The following SLC6A5 variants were observed in gnomAD, a reference collection of about 807,000 sequenced individuals.
SLC6A5 encodes sodium- and chloride-dependent glycine transporter 2.
Under a neutral mutation model 90.5 loss-of-function variants are expected in SLC6A5, and 58 were observed. That is an observed-to-expected ratio of 0.64 (90% CI 0.52 to 0.80). SLC6A5 has a LOEUF of 0.80. Ranked by LOEUF, SLC6A5 falls within the 30% of genes least tolerant of loss-of-function variation. The probability of loss-of-function intolerance (pLI) is 0.00; values close to 1 mark genes in which losing one functional copy is unlikely to be tolerated. For synonymous variants in SLC6A5, 427 were observed against 401.4 expected (o/e 1.06, Z -0.76); for missense variants, 1,015 against 1,017.6 (o/e 1.00, Z 0.03).
intron 14 of SLC6A5, among the ~76,000 whole-genome samples, chr11:20,651,183 C>T (rs1006495767): frequency 1.3e-5 from 2 of 151,096 alleles, no homozygotes; most frequent in East Asian, 2.0e-4. Flanking sequence ...AATACATAAA[C>T]GGAATGGGTT....
chr11:20,637,358 A>G (rs1853229921), intron 12 of SLC6A5, 55 bp downstream of exon 12: 2 of 1,510,742 alleles, frequency 1.3e-6, no homozygotes, highest in South Asian at 1.1e-5. Flanking sequence ...TGGGGGGCCA[A>G]TAGCTATCTG....
At chr11:20,634,981 C>T (rs1172112088) in intron 10 of SLC6A5, among the ~76,000 whole-genome samples, 2 of 152,116 alleles carry the variant, frequency 1.3e-5, no homozygotes, top group African/African-American at 4.8e-5. Context: ...TTACAGTAAT[C>T]TTCCCAGTGA....
intron 3 of SLC6A5, 120 bp downstream of exon 3, chr11:20,604,544 C>A: frequency 7.9e-7 from 1 of 1,259,956 alleles, no homozygotes; most frequent in Non-Finnish European, 1.1e-6. Context: ...CCTCCTTAGG[C>A]TCCAGCCCTA....
At chr11:20,600,109 A>G (rs1291796791) in intron 1 of SLC6A5, among the ~76,000 whole-genome samples, 2 of 152,176 alleles carry the variant, frequency 1.3e-5, no homozygotes, top group African/African-American at 2.4e-5. Context: ...TAATAGGATT[A>G]TTCTTACAGT....
At chr11:20,603,320 C>T (rs1852513985) in intron 2 of SLC6A5, among the ~76,000 whole-genome samples, 1 of 152,194 alleles carries the variant, frequency 6.6e-6, no homozygotes. Context: ...GTGGTCTCCC[C>T]CCATTTTTCC....
rs7925597 is a variant in SLC6A5 at position 20,617,854 on chromosome 11, A to G, written c.1230A>G (p.Ser410=). 1 allele frequency: 1,612,915 copies of G among 1,613,986 alleles called. 805,935 individuals carry two copies. Among genetic ancestry groups the G allele is most frequent in the Non-Finnish European group, 1 (1,179,843 of 1,179,878 alleles). Residue 410 remains serine, a synonymous_variant, in exon 7 of 16, where the codon TCA becomes TCG. Coordinates refer to ENST00000525748, the MANE Select transcript of SLC6A5 (RefSeq NM_004211.5). The part of the protein sequence containing the change: ...LFLAWVIVYA[S]LAKGIKTSGK... Reference sequence around the variant, plus strand: ...TGGCTTGGGTCATTGTGTATGCATCATTGGCTAAAGGAATCAAGACTTCAG... The same window carrying G: ...TGGCTTGGGTCATTGTGTATGCATCGTTGGCTAAAGGAATCAAGACTTCAG...
intron 14 of SLC6A5, among the ~76,000 whole-genome samples, chr11:20,648,817 G>T (rs184985914): frequency 6.6e-6 from 1 of 152,098 alleles, no homozygotes; most frequent in Non-Finnish European, 1.5e-5. Context: ...AATAATCAGC[G>T]CTGCTATTTG....
chr11:20,608,293 T>C (rs1401101145), intron 5 of SLC6A5, among the ~76,000 whole-genome samples: 4 of 152,116 alleles, frequency 2.6e-5, no homozygotes, highest in African/African-American at 9.7e-5. Context: ...ATGCTTCAGA[T>C]GTGAAATAGA....
intron 15 of SLC6A5, 48 bp downstream of exon 15, chr11:20,652,504 C>G (rs1368033712): frequency 6.5e-7 from 1 of 1,542,654 alleles, no homozygotes; most frequent in Non-Finnish European, 9.0e-7. Context: ...AAGGGAAAGC[C>G]CATAAAAGCT....
chr11:20,648,190 T>C (rs1368745571), intron 14 of SLC6A5, among the ~76,000 whole-genome samples: 1 of 152,162 alleles, frequency 6.6e-6, no homozygotes, highest in East Asian at 1.9e-4. Flanking sequence ...GAAACCAGAT[T>C]AAGGCCTTTG....
chr11:20,621,916 G>T (rs1392717444), intron 7 of SLC6A5, among the ~76,000 whole-genome samples: 1 of 152,204 alleles, frequency 6.6e-6, no homozygotes, highest in Non-Finnish European at 1.5e-5. Context: ...AAGGTCAAAT[G>T]CAGCCCACCT....
intron 9 of SLC6A5, among the ~76,000 whole-genome samples, chr11:20,628,299 G>T (rs1407415712): frequency 2.6e-5 from 4 of 152,200 alleles, no homozygotes; most frequent in Non-Finnish European, 4.4e-5. Context: ...ACATGGGGGA[G>T]GCTCAGTGGC....
Position 20,601,384 on chromosome 11 carries a change from G to T in SLC6A5, c.259G>T (p.Ala87Ser). 1.2e-6 allele frequency: 2 copies of T among 1,603,864 alleles called. No individual in the cohort carries two copies. The highest frequency in any genetic ancestry group is 1.7e-6 in the Non-Finnish European group (2 of 1,176,310). Residue 87 changes from alanine to serine, a missense_variant, in exon 2 of 16, where the codon GCG becomes TCG. Coordinates refer to ENST00000525748, the MANE Select transcript of SLC6A5 (RefSeq NM_004211.5). ...GTCTTGCAAACTCAGTAGCCCGCGG[G>T]CGCAGGCGGCCTCTGCAGCTCTGCG... ...VGSCKLSSPR[A>S]QAASAALRDL...
chr11:20,655,326 GTT>G lies in SLC6A5; in HGVS notation c.*470_*471del, dbSNP rs61671694. 230 of 183,478 alleles carry G rather than the reference GTT, an allele frequency of 1.3e-3. No individual in the cohort carries two copies. Among genetic ancestry groups the G allele is most frequent in the African/African-American group, 4.3e-3 (177 of 41,200 alleles). 11.4% of individuals were successfully genotyped at this position (183,478 alleles called of 1,614,324 possible). ...TTCAGACACACAAAGTTCAAGACAG[GTT>G]TTTTTTTTTTTCAGAGAGTTAGCAG... On this transcript the variant is annotated 3_prime_UTR_variant, in exon 16 of 16. Transcript: ENST00000525748.
At position 20,604,321 on chromosome 11, in the gene SLC6A5, GA is replaced by G; in HGVS notation, c.578del (p.Asn193ThrfsTer42). ...EQGDENKARG[N>X]WSSKLDFILS... ...AAGGGGATGAGAATAAGGCCCGAGG[GA>G]ACTGGTCCAGCAAACTGGACTTCAT... On this transcript the variant is annotated frameshift_variant, in exon 3 of 16. Transcript: ENST00000525748. LOFTEE classifies it high-confidence loss of function. The G allele has an allele frequency of 6.2e-7, 1 of 1,613,850 alleles. No individual in the cohort carries two copies. Among genetic ancestry groups the G allele is most frequent in the Non-Finnish European group, 8.5e-7 (1 of 1,179,812 alleles).
chr11:20,652,319 G>A lies in SLC6A5; in HGVS notation c.2101G>A (p.Glu701Lys), dbSNP rs2133825001. 6.2e-7 allele frequency: 1 copy of A among 1,614,064 alleles called. No homozygotes were observed. The highest frequency in any genetic ancestry group is 8.5e-7 in the Non-Finnish European group (1 of 1,180,010). ...FILCFSFYQWEPMTYGSYRYP... is the reference protein window; with the variant it reads ...FILCFSFYQWKPMTYGSYRYP... ...CCTTTGCTTCAGCTTTTACCAGTGG[G>A]AGCCCATGACCTATGGCTCTTACCG... The change falls in exon 15 of 16, where the codon GAG (glutamate) becomes AAG (lysine). Residue 701 changes from glutamate (E) to lysine (K), a missense_variant. Glu to Lys is a moderately conservative substitution (Grantham distance 56, BLOSUM62 1). Coordinates refer to ENST00000525748, the MANE Select transcript of SLC6A5 (RefSeq NM_004211.5).
At chr11:20,644,455 C>T (rs926864114) in intron 13 of SLC6A5, among the ~76,000 whole-genome samples, 6 of 152,240 alleles carry the variant, frequency 3.9e-5, no homozygotes, top group East Asian at 1.9e-4. Context: ...TGTGTATGTA[C>T]ACCACACATT....
chr11:20,653,601 T>C (rs1015788205), intron 15 of SLC6A5, among the ~76,000 whole-genome samples: 3 of 152,222 alleles, frequency 2.0e-5, no homozygotes, highest in Admixed American at 1.3e-4. Flanking sequence ...TTTGTCTTCA[T>C]TGGACTAACG....
Position 20,658,883 on chromosome 11 carries a change from C to T in SLC6A5, c.*4015C>T, listed in dbSNP as rs999972781. On this transcript the variant is annotated 3_prime_UTR_variant, in exon 16 of 16. Coordinates refer to ENST00000525748, the MANE Select transcript of SLC6A5 (RefSeq NM_004211.5). ...TGTGGTTTTTGCACTTTATTATGGACCTGTAAAGGAATAGGTTAATTCTTA... is the reference window on the plus strand; with the variant it reads ...TGTGGTTTTTGCACTTTATTATGGATCTGTAAAGGAATAGGTTAATTCTTA... 1 of 152,014 alleles carries T rather than the reference C, an allele frequency of 6.6e-6. No individual in the cohort carries two copies. The highest frequency in any genetic ancestry group is 2.1e-4 in the South Asian group (1 of 4,814). The allele number at this position is 152,014 out of a possible 1,614,324, so 9.4% of individuals were successfully genotyped here. A position where few individuals can be genotyped will look rare whatever the true frequency, so the allele number is the denominator to read the frequency against.
Sources: allele counts gnomAD v4.1 joint callset (sites outside exome capture counted in the v4.1 genomes callset), GRCh38; gene constraint gnomAD v4.1.1; transcripts MANE v1.5; gene names NCBI Gene and HGNC (gene_info 2026-07-23, HGNC 2026-07-21).